Variants in CCDC88A observed in about 807,000 individuals in gnomAD.
The protein encoded by CCDC88A is coiled-coil and HOOK domain protein 88A.
A neutral mutation model predicts 234.3 loss-of-function variants in CCDC88A; 54 were observed. That is an observed-to-expected ratio of 0.23 (90% confidence interval 0.19 to 0.29). The LOEUF (loss-of-function observed/expected upper bound fraction) is 0.29. Among genes scored for constraint, CCDC88A ranks in the 10% least tolerant of loss-of-function variants. The pLI is 1.00. For missense variants in CCDC88A, 1,832 were observed against 2,123.4 expected, an observed-to-expected ratio of 0.86 and a Z score of 2.70; for synonymous variants, 753 against 737.8, an observed-to-expected ratio of 1.02 and a Z score of -0.33.
chr2:55,310,416 T>A (rs899421459), intron 23 of CCDC88A, among the ~76,000 whole-genome samples: 1 of 152,064 alleles, frequency 6.6e-6, no homozygotes, highest in Admixed American at 6.6e-5. Context: ...ACTCTGTTTT[T>A]ACAAAAAATA....
intron 18 of CCDC88A, 67 bp from the exon 19 acceptor site, chr2:55,319,071 T>A (rs773216172): frequency 8.7e-6 from 11 of 1,264,036 alleles, no homozygotes; most frequent in Non-Finnish European, 1.2e-5. Context: ...GTTTCTATAG[T>A]ATACTGAATT....
chr2:55,292,135 A>G (rs941290846), intron 31 of CCDC88A: 7 of 163,204 alleles, frequency 4.3e-5, no homozygotes, highest in Admixed American at 1.3e-4. Context: ...TTATTTACTA[A>G]GAAAACCAGG....
At chr2:55,369,504 T>C (rs1368710777) in intron 5 of CCDC88A, among the ~76,000 whole-genome samples, 1 of 148,886 alleles carries the variant, frequency 6.7e-6, no homozygotes, top group East Asian at 2.0e-4. Flanking sequence ...CAGGCTAGAG[T>C]GCAGTGGAGC....
chr2:55,377,905 C>T (rs755218008), intron 3 of CCDC88A, among the ~76,000 whole-genome samples: 5 of 152,158 alleles, frequency 3.3e-5, no homozygotes, highest in Non-Finnish European at 4.4e-5. Context: ...CGCACCGGGC[C>T]GGGAAGCTTT....
intron 2 of CCDC88A, among the ~76,000 whole-genome samples, chr2:55,393,372 CCT>C (rs1471832440): frequency 7.4e-6 from 1 of 134,520 alleles, no homozygotes; most frequent in Non-Finnish European, 1.5e-5. Context: ...CTCACTGCAA[CCT>C]CTGCCTCCAG....
intron 17 of CCDC88A, chr2:55,322,960 T>C (rs1050410560): frequency 1.6e-5 from 4 of 252,162 alleles, no homozygotes; most frequent in Non-Finnish European, 3.0e-5. Flanking sequence ...ACAGTGGATA[T>C]AGATATGTTG....
At chr2:55,357,167 T>C (rs1283720163) in intron 7 of CCDC88A, among the ~76,000 whole-genome samples, 1 of 152,142 alleles carries the variant, frequency 6.6e-6, no homozygotes, top group Non-Finnish European at 1.5e-5. Context: ...CAGTGATTGA[T>C]TTCTCCATAA....
intron 3 of CCDC88A, 160 bp downstream of exon 3, chr2:55,388,618 T>C (rs900118302): frequency 4.9e-6 from 2 of 404,058 alleles, no homozygotes; most frequent in East Asian, 4.4e-5. Flanking sequence ...CCTTTAACAT[T>C]CATAAAAAAT....
chr2:55,297,285 A>AT (rs1553385577), intron 29 of CCDC88A: 2 of 8,254 alleles, frequency 2.4e-4, no homozygotes, highest in Non-Finnish European at 8.2e-3. Context: ...ATTATATATA[A>AT]TATATATAAT....
chr2:55,299,389 A>AAT (rs917564142), intron 29 of CCDC88A, among the ~76,000 whole-genome samples: 13 of 152,244 alleles, frequency 8.5e-5, no homozygotes, highest in African/African-American at 2.9e-4. Context: ...GTTCTTGTTC[A>AAT]ATATATATAT....
chr2:55,315,559 T>C (rs912436568), intron 22 of CCDC88A: 1 of 155,434 alleles, frequency 6.4e-6, no homozygotes, highest in African/African-American at 2.4e-5. Context: ...TGGACTTTTA[T>C]AAATCATAGG....
At position 55,335,060 on chromosome 2, in the gene CCDC88A, T is replaced by C; in HGVS notation, c.1761A>G (p.Lys587=). The C allele has an allele frequency of 5.6e-6, 9 of 1,612,330 alleles. No homozygotes were observed. The highest frequency in any genetic ancestry group is 6.8e-6 in the Non-Finnish European group (8 of 1,179,066). Residue 587 remains lysine (K), a synonymous_variant, in exon 15 of 33, where the codon AAA becomes AAG. Transcript: ENST00000436346. This position sits in a 1 kb window ranked among gnomAD's most constrained non-coding sequence, Gnocchi z 4.5. ...TAGATTCATGAAGAATTTTGTTTTC[T>C]TTTTCAATGTCTTTCACTCTTGCTT... ...SAEARVKDIE[K]ENKILHESIK...
At chr2:55,344,103 T>C in intron 11 of CCDC88A, 1 of 360,884 alleles carries the variant, frequency 2.8e-6, no homozygotes, top group Non-Finnish European at 4.9e-6. Flanking sequence ...TCTGTATTTT[T>C]AAAGACATGT....
intron 31 of CCDC88A, chr2:55,295,053 T>C: frequency 7.9e-7 from 1 of 1,272,610 alleles, no homozygotes; most frequent in Non-Finnish European, 1.0e-6. Flanking sequence ...TATTATATTG[T>C]GCAGTTTTGA....
chr2:55,305,916 T>C (rs2104584996), intron 25 of CCDC88A, among the ~76,000 whole-genome samples: 2 of 152,200 alleles, frequency 1.3e-5, no homozygotes. Flanking sequence ...ACTATTTCTT[T>C]CTTTTTTGTT....
intron 3 of CCDC88A, among the ~76,000 whole-genome samples, chr2:55,385,942 G>A (rs1378584938): frequency 6.7e-6 from 1 of 149,294 alleles, no homozygotes; most frequent in Non-Finnish European, 1.5e-5. Context: ...AATCCAGAGA[G>A]GCCAGGCATG....
chr2:55,388,995 C>T, intron 2 of CCDC88A, 109 bp from the exon 3 acceptor site: 1 of 316,592 alleles, frequency 3.2e-6, no homozygotes, highest in Non-Finnish European at 5.7e-6. Context: ...ATTGTGTGCT[C>T]ATCTGCATTA....
intron 16 of CCDC88A, chr2:55,329,184 T>C (rs1381124673): frequency 6.6e-6 from 1 of 152,216 alleles, no homozygotes; most frequent in Non-Finnish European, 1.5e-5. Flanking sequence ...ACTGTCAGTA[T>C]TGCAATTATC....
At chr2:55,326,728 G>A (rs985100818) in intron 17 of CCDC88A, among the ~76,000 whole-genome samples, 2 of 152,038 alleles carry the variant, frequency 1.3e-5, no homozygotes, top group Non-Finnish European at 2.9e-5. Flanking sequence ...CACCACGCCT[G>A]GCTGGCTAAT....
Sources: gnomAD v4.1 joint callset for allele counts (sites outside exome capture counted in the v4.1 genomes callset) on GRCh38, gnomAD v4.1.1 for gene constraint, Gnocchi (gnomAD v3.1) non-coding constraint, MANE v1.5 for transcripts, NCBI Gene and HGNC (gene_info 2026-07-23, HGNC 2026-07-21) for gene names.